Variants in SLC8A1 observed in about 807,000 individuals in gnomAD.
SLC8A1 encodes the protein sodium/calcium exchanger 1.
SLC8A1 carries 18 observed loss-of-function variants against 68.3 expected under a neutral mutation model. That is an observed-to-expected ratio of 0.26 (90% CI 0.18 to 0.39). SLC8A1 has a LOEUF of 0.39. SLC8A1 is among the 10% of genes least tolerant of loss of function. The pLI is 1.00. For synonymous variants in SLC8A1, 475 were observed against 415.5 expected, an observed-to-expected ratio of 1.14 and a Z score of -1.74; for missense variants, 985 against 1,156.7, an observed-to-expected ratio of 0.85 and a Z score of 2.15.
chr2:40,314,581 G>T (rs1392531529), intron 2 of SLC8A1, among the ~76,000 whole-genome samples: 3 of 151,760 alleles, frequency 2.0e-5, no homozygotes, highest in Admixed American at 6.6e-5. Context: ...TGAATCTCTA[G>T]ATCAATTTGG....
intron 1 of SLC8A1, among the ~76,000 whole-genome samples, chr2:40,443,033 T>C (rs1031503869): frequency 2.6e-5 from 4 of 150,998 alleles, no homozygotes; most frequent in African/African-American, 4.9e-5. Context: ...ACGTTCTCAC[T>C]CATAAGTAGG....
chr2:40,332,606 A>G (rs774547206), intron 2 of SLC8A1, among the ~76,000 whole-genome samples: 2 of 152,198 alleles, frequency 1.3e-5, no homozygotes, highest in African/African-American at 2.4e-5. Context: ...TAGGAACATA[A>G]TTCTCTACCA....
At chr2:40,328,320 G>T (rs1304418759) in intron 2 of SLC8A1, among the ~76,000 whole-genome samples, 1 of 152,054 alleles carries the variant, frequency 6.6e-6, no homozygotes, top group Non-Finnish European at 1.5e-5. Flanking sequence ...CTTTGTCCTT[G>T]AAACATCGAC....
chr2:40,329,305 C>T (rs1306002709), intron 2 of SLC8A1, among the ~76,000 whole-genome samples: 1 of 152,158 alleles, frequency 6.6e-6, no homozygotes, highest in Non-Finnish European at 1.5e-5. Context: ...TATTAACTTC[C>T]TGTATTTTAC....
intron 2 of SLC8A1, among the ~76,000 whole-genome samples, chr2:40,349,928 T>C (rs1274105103): frequency 6.6e-6 from 1 of 152,138 alleles, no homozygotes; most frequent in Admixed American, 6.6e-5. Context: ...ATATAAGCAG[T>C]AATATTAATA....
chr2:40,404,596 T>C (rs1256840531), intron 2 of SLC8A1, among the ~76,000 whole-genome samples: 1 of 152,228 alleles, frequency 6.6e-6, no homozygotes, highest in Non-Finnish European at 1.5e-5. Flanking sequence ...TGGTCTTCCA[T>C]GTGCTGTATT....
intron 1 of SLC8A1, 72 bp from the exon 2 acceptor site, chr2:40,430,376 A>G (rs1576433668): frequency 1.4e-6 from 2 of 1,421,764 alleles, no homozygotes; most frequent in South Asian, 1.4e-5. Flanking sequence ...AAGCATTACT[A>G]ATTACTTATT....
chr2:40,494,680 T>TATAC (rs1379889139), intron 1 of SLC8A1, among the ~76,000 whole-genome samples: 1 of 109,576 alleles, frequency 9.1e-6, no homozygotes, highest in African/African-American at 3.1e-5. Context: ...TATATATATA[T>TATAC]ATATCCAAAT....
intron 2 of SLC8A1, among the ~76,000 whole-genome samples, chr2:40,227,469 G>A (rs568242541): frequency 7.0e-4 from 106 of 152,114 alleles, no homozygotes; most frequent in African/African-American, 2.5e-3. Context: ...CACAGGAACC[G>A]AAAACCAAAT....
chr2:40,391,326 C>T (rs571924142), intron 2 of SLC8A1, among the ~76,000 whole-genome samples: 6 of 151,780 alleles, frequency 4.0e-5, no homozygotes, highest in Non-Finnish European at 7.4e-5. Flanking sequence ...AAGTGATGTT[C>T]GTGGGACATA....
At chr2:40,306,830 G>A (rs2072714416) in intron 2 of SLC8A1, among the ~76,000 whole-genome samples, 1 of 152,140 alleles carries the variant, frequency 6.6e-6, no homozygotes, top group Non-Finnish European at 1.5e-5. Context: ...CCAGGGAATG[G>A]GGAAGGTAAT....
chr2:40,194,053 G>C (rs370933973), intron 2 of SLC8A1, among the ~76,000 whole-genome samples: 2 of 152,112 alleles, frequency 1.3e-5, no homozygotes, highest in African/African-American at 2.4e-5. Flanking sequence ...CTTGTAGCAC[G>C]ATGGAGGTAG....
intron 2 of SLC8A1, among the ~76,000 whole-genome samples, chr2:40,393,273 A>G: frequency 6.6e-6 from 1 of 152,084 alleles, no homozygotes; most frequent in East Asian, 1.9e-4. Context: ...ATTACTTAGG[A>G]AAAAAATCCC....
At chr2:40,231,679 C>T (rs909731582) in intron 2 of SLC8A1, among the ~76,000 whole-genome samples, 2 of 152,134 alleles carry the variant, frequency 1.3e-5, no homozygotes, top group Non-Finnish European at 2.9e-5. Flanking sequence ...ATTCTCTCAT[C>T]TCTTTCACAT....
intron 2 of SLC8A1, among the ~76,000 whole-genome samples, chr2:40,397,433 G>C (rs1468668627): frequency 6.6e-6 from 1 of 152,188 alleles, no homozygotes; most frequent in Non-Finnish European, 1.5e-5. Flanking sequence ...ATTGCTCACA[G>C]TGAGGACTAG....
chr2:40,234,695 C>CT (rs1452544575), intron 2 of SLC8A1, among the ~76,000 whole-genome samples: 2 of 152,150 alleles, frequency 1.3e-5, no homozygotes, highest in Admixed American at 1.3e-4. Flanking sequence ...AAAGGGAATG[C>CT]TTCCAGTTTT....
chr2:40,357,505 A>AAAAC (rs1553532604), intron 2 of SLC8A1, among the ~76,000 whole-genome samples: 1 of 151,356 alleles, frequency 6.6e-6, no homozygotes, highest in Non-Finnish European at 1.5e-5. Flanking sequence ...TTTAAAAAAA[A>AAAAC]AAAAAAAAAA....
At chr2:40,287,620 G>C (rs1026014225) in intron 2 of SLC8A1, among the ~76,000 whole-genome samples, 4 of 149,788 alleles carry the variant, frequency 2.7e-5, no homozygotes, top group Non-Finnish European at 5.9e-5. Context: ...GTGTGTGTGT[G>C]CATGCAGGGA....
At chr2:40,113,563 C>T (rs565106574) in exon 8 of SLC8A1, 2 of 152,694 alleles carry the variant, frequency 1.3e-5, no homozygotes, top group Non-Finnish European at 2.9e-5. Context: ...GTCACCCTGG[C>T]TTCTTTCTTA....
Sources: allele counts gnomAD v4.1 joint callset (sites outside exome capture counted in the v4.1 genomes callset), GRCh38; gene constraint gnomAD v4.1.1; transcripts MANE v1.5; gene names NCBI Gene and HGNC (gene_info 2026-07-23, HGNC 2026-07-21).